HDLBP: variants seen among roughly 807,000 people sequenced by gnomAD.
The protein encoded by HDLBP is high density lipoprotein binding protein, also known as vigilin.
HDLBP carries 30 observed loss-of-function variants against 137.3 expected under a neutral mutation model. The observed-to-expected ratio is 0.22, with a 90% confidence interval of 0.16 to 0.30. The LOEUF (loss-of-function observed/expected upper bound fraction) is 0.30. Ranked by LOEUF, HDLBP falls within the 10% of genes least tolerant of loss-of-function variation. HDLBP has a pLI of 1.00. For missense variants in HDLBP, 1,119 were observed against 1,667.3 expected (o/e 0.67, Z 5.73); for synonymous variants, 606 against 596.0 (o/e 1.02, Z -0.24).
chr2:241,292,065 G>A (rs921597048), intron 1 of HDLBP, among the ~76,000 whole-genome samples: 1 of 152,176 alleles, frequency 6.6e-6, no homozygotes, highest in African/African-American at 2.4e-5. Flanking sequence ...ACCCAGTAGA[G>A]AACTGGTTGA....
At chr2:241,278,836 T>A (rs913964780) in intron 1 of HDLBP, among the ~76,000 whole-genome samples, 2 of 152,092 alleles carry the variant, frequency 1.3e-5, no homozygotes, top group Non-Finnish European at 2.9e-5. Context: ...CAATCAATTA[T>A]GTTTCCAAAA....
At chr2:241,302,950 G>T (rs2075441159) in intron 1 of HDLBP, among the ~76,000 whole-genome samples, 1 of 152,180 alleles carries the variant, frequency 6.6e-6, no homozygotes, top group Non-Finnish European at 1.5e-5. Context: ...GAGAGTCTTT[G>T]CTCACAGTGC....
intron 27 of HDLBP, 42 bp downstream of exon 27, chr2:241,229,791 C>A (rs1484539317): frequency 1.9e-6 from 3 of 1,553,342 alleles, no homozygotes; most frequent in African/African-American, 2.7e-5. Flanking sequence ...CCTGCCCGCC[C>A]ACCCTCCCTG....
intron 1 of HDLBP, among the ~76,000 whole-genome samples, chr2:241,275,179 C>G (rs1359240857): frequency 7.4e-6 from 1 of 134,256 alleles, no homozygotes; most frequent in Non-Finnish European, 1.5e-5. Context: ...AAAGCAATTC[C>G]CCCCCACCCC....
chr2:241,295,695 A>C (rs549768700), intron 1 of HDLBP, among the ~76,000 whole-genome samples: 3 of 152,334 alleles, frequency 2.0e-5, no homozygotes, highest in South Asian at 4.1e-4. Context: ...GGGTCTTTTC[A>C]GATGACATTA....
rs544395492 is a variant in HDLBP at position 241,232,134 on chromosome 2, C to A, written c.3289-1190G>T. On this transcript the variant is annotated intron_variant, in intron 24 of 27. Coordinates refer to ENST00000310931, the MANE Select transcript of HDLBP (RefSeq NM_005336.6). ...GCCCAGCAGAGCTGACAGCCTCAGG[C>A]ACCACCCGCGTGCTGCCAGGTACAG... 8.5e-5 allele frequency among the ~76,000 whole-genome samples: 13 copies of A among 152,346 alleles called. No homozygotes were observed. In the South Asian group the frequency reaches 2.7e-3, roughly 32 times the overall value.
At chr2:241,251,314 G>A (rs1471457017) in intron 11 of HDLBP, among the ~76,000 whole-genome samples, 2 of 152,184 alleles carry the variant, frequency 1.3e-5, no homozygotes, top group Non-Finnish European at 2.9e-5. Context: ...GCAAGTTTAT[G>A]GTGTATGTGT....
At chr2:241,266,678 G>A (rs2073699430) in intron 3 of HDLBP, 116 bp downstream of exon 3, 2 of 742,988 alleles carry the variant, frequency 2.7e-6, no homozygotes, top group East Asian at 4.9e-5. Context: ...GACCCTCCCT[G>A]CCCCACAACC....
At chr2:241,314,493 T>G (rs763148068) in intron 1 of HDLBP, among the ~76,000 whole-genome samples, 1 of 152,186 alleles carries the variant, frequency 6.6e-6, no homozygotes, top group Non-Finnish European at 1.5e-5. Flanking sequence ...AGGGTATAGG[T>G]AGCTATGAAT....
Position 241,238,574 on chromosome 2 carries a change from T to C in HDLBP, c.2749+75A>G, listed in dbSNP as rs1344128987. 8.6e-7 allele frequency: 1 copy of C among 1,164,492 alleles called. No homozygotes were observed. Among genetic ancestry groups the C allele is most frequent in the Admixed American group, 2.6e-5 (1 of 38,570 alleles). The allele number at this position is 1,164,492 out of a possible 1,614,324, so 72.1% of individuals were successfully genotyped here. A position where few individuals can be genotyped will look rare whatever the true frequency, so the allele number is the denominator to read the frequency against. On this transcript the variant is annotated intron_variant, in intron 20 of 27. Coordinates refer to ENST00000310931, the MANE Select transcript of HDLBP (RefSeq NM_005336.6). The surrounding 1 kb of genome is among the most constrained non-coding windows in gnomAD (Gnocchi z 4.9). Reference sequence around the variant, plus strand: ...CAGAGACAGGAAAGAGCCTCACCAGTATGTGCGACAGCCCCGCCTCTCACA... The same window carrying C: ...CAGAGACAGGAAAGAGCCTCACCAGCATGTGCGACAGCCCCGCCTCTCACA...
intron 1 of HDLBP, among the ~76,000 whole-genome samples, chr2:241,312,207 A>G (rs988752446): frequency 2.6e-5 from 4 of 152,266 alleles, no homozygotes; most frequent in African/African-American, 9.6e-5. Flanking sequence ...TAGTCAATGT[A>G]TTCTTACCAA....
rs764911830 is a variant in HDLBP at position 241,247,070 on chromosome 2, C to T, written c.1804G>A (p.Ala602Thr). The change falls in exon 15 of 28, where the codon GCA becomes ACA. Residue 602 changes from alanine (A) to threonine (T), a missense_variant. By Grantham distance (58) the Ala-to-Thr change is moderately conservative. This residue lies in a region of HDLBP where 425 missense variants were observed against 693.9 expected (regional missense o/e 0.61). Transcript: ENST00000310931. Reference sequence around the variant, plus strand: ...CAAGTTATCACCTTTTTAATGTTTGCGCCTCCTTTCCCAATGATATTCTTG... The same window carrying T: ...CAAGTTATCACCTTTTTAATGTTTGTGCCTCCTTTCCCAATGATATTCTTG... Reference protein sequence around the residue: ...FHKNIIGKGGANIKKIREESN... With the variant: ...FHKNIIGKGGTNIKKIREESN... 29 of 1,610,498 alleles carry T rather than the reference C, an allele frequency of 1.8e-5. No homozygotes were observed. The highest frequency in any genetic ancestry group is 2.2e-5 in the Non-Finnish European group (26 of 1,176,838).
intron 24 of HDLBP, chr2:241,231,311 G>A (rs1215606614): frequency 6.0e-6 from 1 of 166,208 alleles, no homozygotes. Flanking sequence ...TTGAACCCGG[G>A]AGGCGGAGGT....
At position 241,298,082 on chromosome 2, in the gene HDLBP, AG is replaced by A. The variant is rs755813231; in HGVS notation, c.-103+17487del. 4.4e-4 allele frequency among the ~76,000 whole-genome samples: 25 copies of A among 57,158 alleles called. 3 individuals carry two copies. Among genetic ancestry groups the A allele is most frequent in the South Asian group, 7.1e-4 (1 of 1,412 alleles). The allele number at this position is 57,158 out of a possible 152,430, so 37.5% of individuals were successfully genotyped here. A position where few individuals can be genotyped will look rare whatever the true frequency, so the allele number is the denominator to read the frequency against. On this transcript the variant is annotated intron_variant, in intron 1 of 27. Coordinates refer to ENST00000310931, the MANE Select transcript of HDLBP (RefSeq NM_005336.6). ...AAAAAAAAAAAAAAAAAAAAAAAAA[AG>A]GGCCAGGCATGGTGGCTCATGCCTG...
rs1663195554 is a variant in HDLBP, at chr2:241,246,601, C to A, written c.1950+151G>T. The A allele has an allele frequency of 5.4e-6, 4 of 743,314 alleles. No homozygotes were observed. The South Asian group carries it at 5.8e-5, about 11-fold the overall frequency. 46.0% of individuals were successfully genotyped at this position (743,314 alleles called of 1,614,324 possible). ...AGAGACAAAGGCAGAAAACTGCTGA[C>A]CAACTCATCAGTAGCCTGGATTGAA... On this transcript the variant is annotated intron_variant, in intron 16 of 27. Transcript: ENST00000310931.
At chr2:241,237,226 G>C (rs983907458) in intron 20 of HDLBP, among the ~76,000 whole-genome samples, 3 of 152,170 alleles carry the variant, frequency 2.0e-5, no homozygotes, top group South Asian at 2.1e-4. Context: ...AGTGGGAAGG[G>C]GGGTGAGAGG....
chr2:241,254,623 C>G (rs1456812223), intron 9 of HDLBP, among the ~76,000 whole-genome samples: 2 of 151,898 alleles, frequency 1.3e-5, no homozygotes. Flanking sequence ...CAGCTGGGAC[C>G]ACAGGTGCCC....
intron 17 of HDLBP, among the ~76,000 whole-genome samples, chr2:241,241,545 C>T (rs149780600): frequency 1.6e-4 from 18 of 114,410 alleles, no homozygotes; most frequent in African/African-American, 6.2e-4. Flanking sequence ...CCAGCCTGGG[C>T]GACAGAGCAA....
At chr2:241,305,769 T>G (rs2075548169) in intron 1 of HDLBP, among the ~76,000 whole-genome samples, 1 of 151,392 alleles carries the variant, frequency 6.6e-6, no homozygotes, top group African/African-American at 2.4e-5. Context: ...TGTTTTTTTT[T>G]TTTTTTTTGA....
Sources: allele counts gnomAD v4.1 joint callset (sites outside exome capture counted in the v4.1 genomes callset), GRCh38; gene constraint gnomAD v4.1.1; regional missense constraint gnomAD v4.1.1; non-coding constraint Gnocchi (gnomAD v3.1); transcripts MANE v1.5; gene names NCBI Gene and HGNC (gene_info 2026-07-23, HGNC 2026-07-21).